KLHL8: variants seen among roughly 807,000 people sequenced by gnomAD.
KLHL8 encodes kelch-like protein 8.
A neutral mutation model predicts 63.5 loss-of-function variants in KLHL8; 38 were observed. That is an observed-to-expected ratio of 0.60 (90% CI 0.46 to 0.78). KLHL8 has a LOEUF of 0.78. Among genes scored for constraint, KLHL8 ranks in the 30% least tolerant of loss-of-function variants. The pLI is 0.00. For synonymous variants in KLHL8, 224 were observed against 254.3 expected (o/e 0.88, Z 1.13); for missense variants, 566 against 752.4 (o/e 0.75, Z 2.90).
rs1733077229 is a variant in KLHL8, at chr4:87,228,805, G to T, written n.58-7415C>A. Among the ~76,000 whole-genome samples the T allele has an allele frequency of 2.6e-5, 4 of 152,188 alleles. No individual in the cohort carries two copies. The South Asian group carries it at 8.3e-4, about 31-fold the overall frequency. On this transcript the variant is annotated intron_variant and non_coding_transcript_variant, in intron 1 of 1. Coordinates refer to the KLHL8 transcript ENST00000506274. ...TGACCATTTTTCATGGAAACTTAAA[G>T]ATAATACTTGGAGGTTATATTGCAA... is the stretch of plus-strand genomic sequence containing the variant.
intron 1 of KLHL8, among the ~76,000 whole-genome samples, chr4:87,198,337 A>G (rs1225335857): frequency 6.6e-6 from 1 of 152,162 alleles, no homozygotes; most frequent in Non-Finnish European, 1.5e-5. Context: ...AAAATAAGAA[A>G]AAACACTTGG....
intron 3 of KLHL8, 127 bp from the exon 4 acceptor site, chr4:87,183,516 C>T: frequency 2.8e-6 from 2 of 726,566 alleles, no homozygotes; most frequent in Non-Finnish European, 4.3e-6. Context: ...GCAGCATGTT[C>T]TCTTTTTAAA....
At chr4:87,235,369 G>A (rs1733208553) in intron 1 of KLHL8, among the ~76,000 whole-genome samples, 1 of 152,090 alleles carries the variant, frequency 6.6e-6, no homozygotes, top group Non-Finnish European at 1.5e-5. Context: ...CCAGTAACAT[G>A]CCATGTGGGT....
chr4:87,196,153 G>GT (rs11416450), intron 1 of KLHL8, among the ~76,000 whole-genome samples: 55,495 of 145,582 alleles, frequency 0.38, 10,315 homozygotes, highest in East Asian at 0.46. Flanking sequence ...TTAACTGGGA[G>GT]TTTTTTTTTT....
chr4:87,225,251 T>C (rs957140802), upstream of KLHL8, among the ~76,000 whole-genome samples: 5 of 152,158 alleles, frequency 3.3e-5, no homozygotes, highest in Non-Finnish European at 2.9e-5. Context: ...CTCTCCAGTT[T>C]TGGGTTACTG....
intron 1 of KLHL8, among the ~76,000 whole-genome samples, chr4:87,209,946 C>T (rs536476008): frequency 1.3e-5 from 2 of 150,518 alleles, no homozygotes; most frequent in East Asian, 2.0e-4. Context: ...CTCTGACTTC[C>T]GGGCTCAAGC....
intron 1 of KLHL8, among the ~76,000 whole-genome samples, chr4:87,237,953 T>A (rs1229604060): frequency 1.3e-5 from 2 of 152,148 alleles, no homozygotes; most frequent in African/African-American, 2.4e-5. Flanking sequence ...TCATTTTTTT[T>A]AAGACGGAGT....
Position 87,160,979 on chromosome 4 carries a change from C to T in KLHL8, c.*2540G>A, listed in dbSNP as rs1730137377. Reference sequence around the variant, plus strand: ...CTTCAGCCTGATTCTCATTTCATGTCTCAATAAACGTGTTTTTGCCTGATA... The same window carrying T: ...CTTCAGCCTGATTCTCATTTCATGTTTCAATAAACGTGTTTTTGCCTGATA... On this transcript the variant is annotated 3_prime_UTR_variant, in exon 10 of 10. Coordinates refer to ENST00000273963, the MANE Select transcript of KLHL8 (RefSeq NM_020803.5). 1 of 151,256 alleles carries T rather than the reference C, an allele frequency of 6.6e-6. No homozygotes were observed. 9.4% of individuals were successfully genotyped at this position (151,256 alleles called of 1,614,324 possible). A position where few individuals can be genotyped will look rare whatever the true frequency, so the allele number is the denominator to read the frequency against.
chr4:87,230,841 A>G (rs11097129), intron 1 of KLHL8, among the ~76,000 whole-genome samples: 29,727 of 152,174 alleles, frequency 0.2, 3,494 homozygotes, highest in Admixed American at 0.27. Flanking sequence ...ATTATGATGG[A>G]AAGAATCATT....
intron 2 of KLHL8, among the ~76,000 whole-genome samples, chr4:87,191,645 G>A (rs1029950365): frequency 6.7e-5 from 10 of 150,228 alleles, no homozygotes; most frequent in Admixed American, 2.0e-4. Flanking sequence ...TAGGTCTGTT[G>A]CATAGATATA....
intron 1 of KLHL8, among the ~76,000 whole-genome samples, chr4:87,218,860 G>A (rs1025531560): frequency 6.6e-6 from 1 of 151,880 alleles, no homozygotes; most frequent in African/African-American, 2.4e-5. Flanking sequence ...TTAGCCTCTC[G>A]AGTAGCTGAG....
intron 7 of KLHL8, 79 bp downstream of exon 7, chr4:87,170,368 A>G (rs1286203072): frequency 6.2e-6 from 9 of 1,452,434 alleles, no homozygotes; most frequent in Non-Finnish European, 7.5e-6. Context: ...CATACTGGTG[A>G]TGATATATTG....
intron 2 of KLHL8, among the ~76,000 whole-genome samples, chr4:87,190,644 T>TAA (rs34153862): frequency 7.0e-6 from 1 of 142,956 alleles, no homozygotes. Flanking sequence ...ACTCTGTCTT[T>TAA]AAAAAAAAAA....
intron 2 of KLHL8, among the ~76,000 whole-genome samples, chr4:87,186,918 GTTTTT>G (rs953987159): frequency 6.6e-6 from 1 of 150,714 alleles, no homozygotes. Flanking sequence ...CTCAACTGAG[GTTTTT>G]TTTTATTTTC....
chr4:87,178,824 G>A (rs1331489855), intron 4 of KLHL8, among the ~76,000 whole-genome samples: 1 of 152,074 alleles, frequency 6.6e-6, no homozygotes, highest in African/African-American at 2.4e-5. Context: ...GCTTGCTAAT[G>A]TCCCACTACA....
intron 1 of KLHL8, 84 bp from the exon 2 acceptor site, chr4:87,195,774 C>A: frequency 2.7e-6 from 1 of 369,282 alleles, no homozygotes; most frequent in Non-Finnish European, 4.8e-6. Flanking sequence ...ACTATATATG[C>A]AAAATAACTA....
chr4:87,230,230 C>G (rs991421371), intron 1 of KLHL8, among the ~76,000 whole-genome samples: 5 of 152,204 alleles, frequency 3.3e-5, no homozygotes, highest in African/African-American at 7.2e-5. Flanking sequence ...TAACTCATGA[C>G]AACCCTGCAA....
intron 2 of KLHL8, among the ~76,000 whole-genome samples, chr4:87,194,466 T>C (rs1426571694): frequency 6.6e-6 from 1 of 152,162 alleles, no homozygotes; most frequent in East Asian, 1.9e-4. Context: ...TGAGCCCGAG[T>C]TTGAGACCAG....
intron 2 of KLHL8, among the ~76,000 whole-genome samples, chr4:87,187,921 T>C (rs1731331054): frequency 6.6e-6 from 1 of 152,214 alleles, no homozygotes; most frequent in African/African-American, 2.4e-5. Flanking sequence ...ATTTGAGAAC[T>C]AATTTTAAAA....
Sources: allele counts gnomAD v4.1 joint callset (sites outside exome capture counted in the v4.1 genomes callset), GRCh38; gene constraint gnomAD v4.1.1; transcripts MANE v1.5; gene names NCBI Gene and HGNC (gene_info 2026-07-23, HGNC 2026-07-21).